TADA2A: variants seen among roughly 807,000 people sequenced by gnomAD.
The protein encoded by TADA2A is transcriptional adapter 2-alpha.
In TADA2A, 38 loss-of-function variants were observed where a neutral mutation model predicts 67.4. The ratio of observed to expected loss-of-function variants is 0.56; its 90% CI spans 0.44 to 0.74. TADA2A has a LOEUF of 0.74. Among genes scored for constraint, TADA2A ranks in the 30% least tolerant of loss-of-function variants. The pLI is 0.00. For missense variants in TADA2A, 454 were observed against 547.0 expected (o/e 0.83, Z 1.70); for synonymous variants, 192 against 181.6 (o/e 1.06, Z -0.46).
intron 8 of TADA2A, among the ~76,000 whole-genome samples, chr17:37,451,447 T>A (rs556237380): frequency 7.3e-5 from 11 of 151,618 alleles, no homozygotes; most frequent in African/African-American, 2.7e-4. Flanking sequence ...GCCTCCCAAG[T>A]AGCTGGGACT....
chr17:37,471,819 T>G (rs2053793235), intron 14 of TADA2A, among the ~76,000 whole-genome samples: 1 of 152,112 alleles, frequency 6.6e-6, no homozygotes, highest in Admixed American at 6.5e-5. Context: ...ACTTTTTATT[T>G]TTATATAACA....
At chr17:37,440,757 A>G in intron 6 of TADA2A, 95 bp downstream of exon 6, 1 of 1,439,014 alleles carries the variant, frequency 6.9e-7, no homozygotes, top group Non-Finnish European at 9.5e-7. Context: ...TTGGACAGCT[A>G]ATGATATCAC....
intron 4 of TADA2A, among the ~76,000 whole-genome samples, chr17:37,431,646 C>T (rs933880927): frequency 1.3e-5 from 2 of 150,336 alleles, no homozygotes; most frequent in Non-Finnish European, 2.9e-5. Flanking sequence ...TTGATTTCGG[C>T]TCACTGCAAC....
intron 4 of TADA2A, among the ~76,000 whole-genome samples, chr17:37,429,587 A>C (rs1348202691): frequency 6.6e-6 from 1 of 152,124 alleles, no homozygotes; most frequent in African/African-American, 2.4e-5. Context: ...CAGCCAGAGA[A>C]CATCTTTAGA....
intron 7 of TADA2A, among the ~76,000 whole-genome samples, chr17:37,443,667 A>G (rs893981664): frequency 3.3e-5 from 5 of 152,220 alleles, no homozygotes; most frequent in African/African-American, 1.2e-4. Context: ...TTAGTATGCT[A>G]TAAAGTTTCT....
intron 5 of TADA2A, among the ~76,000 whole-genome samples, chr17:37,439,945 ATTTTT>A (rs3987837): frequency 6.3e-5 from 6 of 94,922 alleles, no homozygotes; most frequent in African/African-American, 3.1e-4. Context: ...TTTATTTATT[ATTTTT>A]TTTTTTTTTT....
chr17:37,446,180 A>G lies in TADA2A; in HGVS notation c.604+1412A>G, dbSNP rs891856388. ...TTTAAGGAAAGTCAAAGTGACGCAG[A>G]TTGAACTAAAAGAGGAAAGCTTGAA... On this transcript the variant is annotated intron_variant, in intron 8 of 15. Transcript: ENST00000615182. Among the ~76,000 whole-genome samples, 3 of 149,770 alleles carry G rather than the reference A, an allele frequency of 2.0e-5. No homozygotes were observed. In the Admixed American group the frequency reaches 2.0e-4, roughly 10 times the overall value.
intron 3 of TADA2A, 114 bp from the exon 4 acceptor site, chr17:37,426,836 C>A: frequency 1.1e-6 from 1 of 913,006 alleles, no homozygotes; most frequent in Non-Finnish European, 1.7e-6. Flanking sequence ...CAGAACGAGA[C>A]CCTGTCTCCA....
intron 8 of TADA2A, among the ~76,000 whole-genome samples, chr17:37,445,769 A>C (rs950403791): frequency 6.6e-6 from 1 of 151,050 alleles, no homozygotes; most frequent in African/African-American, 2.4e-5. Flanking sequence ...TTTTTTTTTA[A>C]TTTTAGTTCA....
Position 37,442,651 on chromosome 17 carries a change from A to AG in TADA2A, c.531+1dup. On this transcript the variant is annotated frameshift_variant and splice_region_variant, in exon 7 of 16. Transcript: ENST00000615182. LOFTEE classifies it high-confidence loss of function. ...ATGCCAGCTCGAGCAGATTTCATTGAGGTAGGATAAATGTGTTTTTAGCAC... is the reference window on the plus strand; with the variant it reads ...ATGCCAGCTCGAGCAGATTTCATTGAGGGTAGGATAAATGTGTTTTTAGCAC... 6.2e-7 allele frequency: 1 copy of AG among 1,613,562 alleles called. No homozygotes were observed. The highest frequency in any genetic ancestry group is 8.5e-7 in the Non-Finnish European group (1 of 1,179,818).
Position 37,472,042 on chromosome 17 carries a change from CTG to C in TADA2A, c.1072+906_1072+907del, listed in dbSNP as rs1357766230. On this transcript the variant is annotated intron_variant, in intron 14 of 15. Coordinates refer to ENST00000615182, the MANE Select transcript of TADA2A (RefSeq NM_001166105.3). ...AGGTATGTCTCAGTAGATTCAGAAT[CTG>C]GGTCTCAGATTTGTCCGCGTTAGGG... is the stretch of plus-strand genomic sequence containing the variant. 8.6e-5 allele frequency among the ~76,000 whole-genome samples: 13 copies of C among 151,392 alleles called. No individual in the cohort carries two copies. In the East Asian group the frequency reaches 2.5e-3, roughly 29 times the overall value.
In TADA2A at chr17:37,440,491, C is replaced by T; in HGVS notation, c.285-14C>T. On this transcript the variant is annotated splice_polypyrimidine_tract_variant and intron_variant, in intron 5 of 15. Coordinates refer to ENST00000615182, the MANE Select transcript of TADA2A (RefSeq NM_001166105.3). ...TACAAGTACCACTTCTCTCTTTTTC[C>T]CACAATCCTCTAGGCAGGATGTAGC... 6.2e-7 allele frequency: 1 copy of T among 1,609,784 alleles called. No homozygotes were observed. Among genetic ancestry groups the T allele is most frequent in the Non-Finnish European group, 8.5e-7 (1 of 1,178,094 alleles).
intron 3 of TADA2A, among the ~76,000 whole-genome samples, chr17:37,425,855 C>T (rs185230021): frequency 1.1e-4 from 16 of 149,134 alleles, no homozygotes; most frequent in Admixed American, 4.7e-4. Context: ...AAGGGTCTCG[C>T]CTTGTTGCTC....
intron 4 of TADA2A, among the ~76,000 whole-genome samples, chr17:37,437,448 G>A (rs1020457662): frequency 1.3e-5 from 2 of 151,092 alleles, no homozygotes; most frequent in African/African-American, 2.5e-5. Context: ...GTGTGGTGGT[G>A]TGATCTCAGC....
intron 1 of TADA2A, chr17:37,407,447 C>T (rs1332910353): frequency 1.3e-5 from 2 of 152,300 alleles, no homozygotes; most frequent in African/African-American, 2.4e-5. Flanking sequence ...CGCCTTTCCT[C>T]CTCCCAACGT....
At position 37,420,951 on chromosome 17, in the gene TADA2A, A is replaced by AC. The variant is rs1320469849; in HGVS notation, c.26-2557dup. Among the ~76,000 whole-genome samples, 5 of 147,020 alleles carry AC rather than the reference A, an allele frequency of 3.4e-5. 2 individuals are homozygous for AC. In the East Asian group the frequency reaches 1.1e-3, roughly 31 times the overall value. On this transcript the variant is annotated intron_variant, in intron 2 of 15. Coordinates refer to ENST00000615182, the MANE Select transcript of TADA2A (RefSeq NM_001166105.3). ...GAGGCCGAATTTGGGGCAACCAGGG[A>AC]CACATATATCTGCATTTTTATGAGT...
chr17:37,442,094 C>T (rs750835084), intron 6 of TADA2A, among the ~76,000 whole-genome samples: 7 of 151,978 alleles, frequency 4.6e-5, no homozygotes, highest in South Asian at 2.1e-4. Context: ...TCGAGAAGAC[C>T]GATGCAGACA....
In TADA2A at chr17:37,462,120, A is replaced by G. The variant is rs1422083593; in HGVS notation, c.711A>G (p.Gln237=). ...GATTAATCAACCTTAGAAAGTTTCA[A>G]TGTAAGTATTAGCAGTTTTCTTTAT... ...DHGLINLRKF[Q]LMERRYPKEV... Residue 237 remains glutamine (Q), a splice_region_variant and synonymous_variant, in exon 10 of 16, where the codon CAA becomes CAG. Coordinates refer to ENST00000615182, the MANE Select transcript of TADA2A (RefSeq NM_001166105.3). 3 of 1,548,364 alleles carry G rather than the reference A, an allele frequency of 1.9e-6. No homozygotes were observed. The highest frequency in any genetic ancestry group is 1.2e-5 in the South Asian group (1 of 85,110).
chr17:37,470,351 C>T lies in TADA2A; in HGVS notation c.896-49C>T, dbSNP rs542967653. On this transcript the variant is annotated intron_variant, in intron 12 of 15. Coordinates refer to ENST00000615182, the MANE Select transcript of TADA2A (RefSeq NM_001166105.3). ...TTTCTTGGTCAGTTAGGAAGCCCTT[C>T]AGTTCTGCTGCATTGTCATTGTGGT... The T allele has an allele frequency of 1.4e-4, 220 of 1,609,562 alleles. 2 individuals are homozygous for T. In the South Asian group the frequency reaches 2.3e-3, roughly 17 times the overall value.
Sources: allele counts gnomAD v4.1 joint callset (sites outside exome capture counted in the v4.1 genomes callset), GRCh38; gene constraint gnomAD v4.1.1; transcripts MANE v1.5; gene names NCBI Gene and HGNC (gene_info 2026-07-23, HGNC 2026-07-21).